Variants in RDH13 observed in about 807,000 individuals in gnomAD.
RDH13 encodes the protein retinol dehydrogenase 13.
In RDH13, 35 loss-of-function variants were observed where a neutral mutation model predicts 28.3. That is an observed-to-expected ratio of 1.24 (90% CI 0.95 to 1.64). The LOEUF (loss-of-function observed/expected upper bound fraction) is 1.64, where lower values mean the gene tolerates loss of function less well. Ranked by LOEUF, RDH13 falls within the 40% of genes most tolerant of loss-of-function variation. The probability of loss-of-function intolerance (pLI) is 0.00; values close to 1 mark genes in which losing one functional copy is unlikely to be tolerated. For missense variants in RDH13, 514 were observed against 446.3 expected (o/e 1.15, Z -1.37); for synonymous variants, 229 against 198.5 (o/e 1.15, Z -1.29).
chr19:55,066,725 GTCTC>G, upstream of RDH13, among the ~76,000 whole-genome samples: 1 of 145,300 alleles, frequency 6.9e-6, no homozygotes, highest in African/African-American at 2.6e-5. Flanking sequence ...TCTTGTGTGT[GTCTC>G]TCTCTCTCTG....
chr19:55,064,828 G>C (rs2075925803), upstream of RDH13, among the ~76,000 whole-genome samples: 1 of 149,990 alleles, frequency 6.7e-6, no homozygotes, highest in Non-Finnish European at 1.5e-5. Flanking sequence ...GGCCAGGTTG[G>C]TCTCAAACTC....
At chr19:55,041,569 G>A (rs937952381), downstream of RDH13, 8 of 152,252 alleles carry the variant, frequency 5.3e-5, no homozygotes, top group African/African-American at 1.9e-4. Context: ...TCTCTCTTAT[G>A]GAGGCTCCAA....
intron 3 of RDH13, among the ~76,000 whole-genome samples, chr19:55,056,190 G>A (rs182789885): frequency 2.2e-4 from 34 of 151,196 alleles, no homozygotes; most frequent in African/African-American, 5.6e-4. Flanking sequence ...TCAGCCGGGC[G>A]CAGTGGCCCA....
At chr19:55,048,598 T>C in intron 4 of RDH13, 57 bp from the exon 5 acceptor site, 2 of 1,610,038 alleles carry the variant, frequency 1.2e-6, no homozygotes, top group Admixed American at 1.7e-5. Flanking sequence ...TCCCAGCACT[T>C]TGGGAGGACG....
upstream of RDH13, among the ~76,000 whole-genome samples, chr19:55,065,622 T>C (rs999270423): frequency 6.6e-6 from 1 of 151,696 alleles, no homozygotes; most frequent in Non-Finnish European, 1.5e-5. Context: ...GCACCTCCTC[T>C]GCCAGAGGAG....
chr19:55,048,443 T>C lies in RDH13; in HGVS notation c.544A>G (p.Ile182Val), dbSNP rs775453629. The stretch of plus-strand genomic sequence containing the variant: ...TGCCAGTTCAAGTCGTCAAAGTCTA[T>C]GTGCCCAGCAACATGGGCCAGGGAC... Reference protein sequence around the residue: ...LSSLAHVAGHIDFDDLNWQTR... With the variant: ...LSSLAHVAGHVDFDDLNWQTR... The change falls in exon 5 of 7, where the codon ATA becomes GTA. Residue 182 changes from isoleucine (I) to valine (V), a missense_variant. Ile to Val is a conservative substitution (Grantham distance 29). Transcript: ENST00000415061. The C allele has an allele frequency of 1.9e-6, 3 of 1,614,214 alleles. No individual in the cohort carries two copies. Among genetic ancestry groups the C allele is most frequent in the Admixed American group, 1.7e-5 (1 of 60,016 alleles).
chr19:55,053,942 A>T (rs1671170), intron 3 of RDH13: 89,266 of 151,970 alleles, frequency 0.59, 26,776 homozygotes, highest in Middle Eastern at 0.76. Context: ...CACCTCTGAG[A>T]CTCTGAGGCA....
chr19:55,058,176 C>G (rs1216873349), intron 2 of RDH13, among the ~76,000 whole-genome samples: 1 of 151,894 alleles, frequency 6.6e-6, no homozygotes, highest in Non-Finnish European at 1.5e-5. Flanking sequence ...CTTTGGGAGA[C>G]CAAGGCAGGT....
chr19:55,057,026 G>A lies in RDH13; in HGVS notation c.185-218C>T, dbSNP rs553468377. ...CATAGAGATGGAATATTAGACGGCC[G>A]TGAAAAGGAGTGAAGCACTGGCTCA... On this transcript the variant is annotated intron_variant, in intron 2 of 6. Transcript: ENST00000415061. Among the ~76,000 whole-genome samples, 720 of 152,256 alleles carry A rather than the reference G, an allele frequency of 4.7e-3. 7 individuals are homozygous for A. The highest frequency in any genetic ancestry group is 0.016 in the African/African-American group (676 of 41,540).
chr19:55,053,381 C>T (rs556868185), intron 3 of RDH13, among the ~76,000 whole-genome samples: 4 of 152,194 alleles, frequency 2.6e-5, no homozygotes, highest in East Asian at 1.9e-4. Context: ...AGAGGCTGGG[C>T]GTGGTGGCTC....
chr19:55,045,400 G>A (rs919663795), intron 6 of RDH13, 91 bp from the exon 7 acceptor site: 1 of 933,314 alleles, frequency 1.1e-6, no homozygotes. Context: ...CGGGTCCCTG[G>A]AGTCCCACAG....
chr19:55,062,031 C>T (rs921975861), intron 1 of RDH13, among the ~76,000 whole-genome samples: 8 of 151,916 alleles, frequency 5.3e-5, no homozygotes, highest in Non-Finnish European at 1.0e-4. Flanking sequence ...GCCGGACAAT[C>T]GCTTGAACCC....
chr19:55,049,059 G>A (rs1227607323), intron 3 of RDH13, among the ~76,000 whole-genome samples: 2 of 152,190 alleles, frequency 1.3e-5, no homozygotes, highest in South Asian at 2.1e-4. Flanking sequence ...CGCCCCCGCT[G>A]GAAGTGGAAG....
chr19:55,045,594 C>T (rs1206692168), intron 6 of RDH13, among the ~76,000 whole-genome samples: 4 of 152,332 alleles, frequency 2.6e-5, no homozygotes, highest in Non-Finnish European at 4.4e-5. Context: ...CCTCACCCTA[C>T]CCCATTTCTC....
upstream of RDH13, chr19:55,063,198 G>T (rs953129784): frequency 4.4e-5 from 22 of 495,578 alleles, no homozygotes; most frequent in African/African-American, 4.4e-4. Flanking sequence ...GGCGGGGCGC[G>T]GGCGGAGGGG....
rs190649577 is a variant in RDH13, at chr19:55,052,904, C to T, written c.340+3749G>A. 3.8e-3 allele frequency among the ~76,000 whole-genome samples: 580 copies of T among 151,862 alleles called. 5 individuals are homozygous for T. Among genetic ancestry groups the T allele is most frequent in the Middle Eastern group, 0.014 (4 of 292 alleles). On this transcript the variant is annotated intron_variant, in intron 3 of 6. Transcript: ENST00000415061. The stretch of plus-strand genomic sequence containing the variant: ...GTCTCGATCTCCTGACCTTGTGATC[C>T]GCCCGCCTCAGCCTCCCAAAGTGCT...
intron 1 of RDH13, among the ~76,000 whole-genome samples, chr19:55,059,574 A>T (rs1184051234): frequency 8.3e-6 from 1 of 119,876 alleles, no homozygotes; most frequent in South Asian, 3.1e-4. Context: ...TGGGAGGCCA[A>T]AGTTTTGGGG....
At chr19:55,048,116 G>A (rs1002141588) in intron 5 of RDH13, 22 of 1,528,600 alleles carry the variant, frequency 1.4e-5, no homozygotes, top group East Asian at 2.5e-5. Context: ...AGGCAGACTA[G>A]ACCACCTGGG....
chr19:55,056,050 A>G (rs1316462222), intron 3 of RDH13, among the ~76,000 whole-genome samples: 4 of 152,116 alleles, frequency 2.6e-5, no homozygotes, highest in South Asian at 2.1e-4. Flanking sequence ...GCTACTCAGG[A>G]GGCTGAAGCA....
Sources: gnomAD v4.1 joint callset for allele counts (sites outside exome capture counted in the v4.1 genomes callset) on GRCh38, gnomAD v4.1.1 for gene constraint, MANE v1.5 for transcripts, NCBI Gene and HGNC (gene_info 2026-07-23, HGNC 2026-07-21) for gene names.